CEP112: variants seen among roughly 807,000 people sequenced by gnomAD.
CEP112 encodes centrosomal protein 112, also known as centrosomal protein of 112 kDa.
Under a neutral mutation model 153.0 loss-of-function variants are expected in CEP112, and 127 were observed. The observed-to-expected ratio is 0.83, with a 90% CI of 0.72 to 0.96. CEP112 has a LOEUF of 0.96. Ranked by LOEUF, CEP112 falls within the 40% of genes least tolerant of loss-of-function variation. The pLI is 0.00. For missense variants in CEP112, 1,089 were observed against 1,101.2 expected, an observed-to-expected ratio of 0.99 and a Z score of 0.16; for synonymous variants, 358 against 374.4, an observed-to-expected ratio of 0.96 and a Z score of 0.51.
chr17:65,977,383 A>G (rs191265559), intron 17 of CEP112, among the ~76,000 whole-genome samples: 1 of 152,340 alleles, frequency 6.6e-6, no homozygotes, highest in East Asian at 1.9e-4. Context: ...GCTTCAGGGA[A>G]GAAGAGCAAT....
At chr17:66,054,681 T>A (rs990838009) in intron 11 of CEP112, among the ~76,000 whole-genome samples, 4 of 152,210 alleles carry the variant, frequency 2.6e-5, no homozygotes, top group Non-Finnish European at 5.9e-5. Context: ...TTCCATTCCC[T>A]GCATCCAACC....
At chr17:66,073,165 CA>C (rs2067363224) in intron 8 of CEP112, among the ~76,000 whole-genome samples, 1 of 152,062 alleles carries the variant, frequency 6.6e-6, no homozygotes, top group Non-Finnish European at 1.5e-5. Flanking sequence ...AGCAGGGTAC[CA>C]CACTAACCTC....
At chr17:65,808,115 T>C (rs967699628) in intron 21 of CEP112, among the ~76,000 whole-genome samples, 5 of 152,214 alleles carry the variant, frequency 3.3e-5, no homozygotes, top group African/African-American at 1.2e-4. Flanking sequence ...ATGCCATATA[T>C]ATGAGACATG....
intron 4 of CEP112, among the ~76,000 whole-genome samples, chr17:66,156,685 T>C (rs904092936): frequency 6.6e-6 from 1 of 152,052 alleles, no homozygotes; most frequent in Non-Finnish European, 1.5e-5. Context: ...GAGAAGAACA[T>C]AAATGACCTG....
intron 20 of CEP112, among the ~76,000 whole-genome samples, chr17:65,884,013 G>A (rs547519799): frequency 6.6e-6 from 1 of 152,310 alleles, no homozygotes; most frequent in South Asian, 2.1e-4. Context: ...CTGGACCTAT[G>A]AAGTTTGAGG....
chr17:65,857,412 A>G (rs982423286), intron 20 of CEP112, among the ~76,000 whole-genome samples: 1 of 152,102 alleles, frequency 6.6e-6, no homozygotes, highest in Non-Finnish European at 1.5e-5. Flanking sequence ...TTAAGTCCTA[A>G]TCTTTTTGCT....
chr17:65,799,811 A>G (rs1250742743), intron 21 of CEP112, among the ~76,000 whole-genome samples: 3 of 152,180 alleles, frequency 2.0e-5, no homozygotes, highest in African/African-American at 7.2e-5. Context: ...CCCTTCTACC[A>G]TTGCTCACAC....
rs2067252455 is a variant in CEP112 at position 66,069,971 on chromosome 17, T to C, written c.799A>G (p.Lys267Glu). 8 of 1,607,618 alleles carry C rather than the reference T, an allele frequency of 5.0e-6. No homozygotes were observed. In the East Asian group the frequency reaches 9.0e-5, roughly 18 times the overall value. ...AGTTTAAGCTTTTCTTCATGAAATTTAGCTTCCATCATTTTTGTTTTCATG... is the reference window on the plus strand; with the variant it reads ...AGTTTAAGCTTTTCTTCATGAAATTCAGCTTCCATCATTTTTGTTTTCATG... ...LDMKTKMMEAKFHEEKLKLQQ... is the reference protein window; with the variant it reads ...LDMKTKMMEAEFHEEKLKLQQ... Residue 267 changes from lysine to glutamate, a missense_variant, in exon 9 of 27, where the codon AAA becomes GAA. By Grantham distance (56) the Lys-to-Glu change is moderately conservative (BLOSUM62 1). Coordinates refer to ENST00000535342, the MANE Select transcript of CEP112 (RefSeq NM_001199165.4).
At chr17:65,710,713 G>A (rs2049134500) in intron 23 of CEP112, among the ~76,000 whole-genome samples, 1 of 152,204 alleles carries the variant, frequency 6.6e-6, no homozygotes, top group Non-Finnish European at 1.5e-5. Context: ...GAGCATTGGT[G>A]TTAAGGCTCG....
Position 65,635,628 on chromosome 17 carries a change from G to A in CEP112, c.*343C>T, listed in dbSNP as rs1440012003. The A allele has an allele frequency of 1.5e-5, 5 of 323,944 alleles. No individual in the cohort carries two copies. The highest frequency in any genetic ancestry group is 1.2e-4 in the South Asian group (1 of 8,326). 20.1% of individuals were successfully genotyped at this position (323,944 alleles called of 1,614,324 possible). A position where few individuals can be genotyped will look rare whatever the true frequency, so the allele number is the denominator to read the frequency against. On this transcript the variant is annotated 3_prime_UTR_variant, in exon 27 of 27. Transcript: ENST00000535342. ...GAATTTTTGATATGATACTACAAAC[G>A]TGATTTTGATCGTACGCAACTGGTA...
chr17:66,064,145 T>C, intron 10 of CEP112, among the ~76,000 whole-genome samples: 1 of 152,204 alleles, frequency 6.6e-6, no homozygotes, highest in Non-Finnish European at 1.5e-5. Context: ...TACTTGCCTG[T>C]TTCCTCTTTA....
At chr17:65,830,714 G>T (rs949078753) in intron 21 of CEP112, among the ~76,000 whole-genome samples, 1 of 152,180 alleles carries the variant, frequency 6.6e-6, no homozygotes, top group African/African-American at 2.4e-5. Flanking sequence ...ATGGAGCCTT[G>T]ACCTGACCCA....
At chr17:65,725,505 T>C (rs232096) in intron 23 of CEP112, among the ~76,000 whole-genome samples, 115,962 of 152,000 alleles carry the variant, frequency 0.76, 45,455 homozygotes, top group East Asian at 0.93. Context: ...CTCGTAGAAA[T>C]GGGGTTTCAC....
chr17:66,188,468 A>T (rs2073033128), intron 1 of CEP112, among the ~76,000 whole-genome samples: 1 of 130,182 alleles, frequency 7.7e-6, no homozygotes, highest in South Asian at 2.6e-4. Context: ...ACCTGGAGTC[A>T]GGTAAATGCA....
chr17:66,064,900 C>T (rs866987821), intron 10 of CEP112, among the ~76,000 whole-genome samples: 1 of 152,140 alleles, frequency 6.6e-6, no homozygotes, highest in South Asian at 2.1e-4. Flanking sequence ...CTTTTACCAA[C>T]ATTTAAGGGT....
chr17:65,754,233 A>G (rs2052078480), intron 21 of CEP112, among the ~76,000 whole-genome samples: 1 of 152,332 alleles, frequency 6.6e-6, no homozygotes, highest in African/African-American at 2.4e-5. Flanking sequence ...AGATGAGGGT[A>G]ACCTCTAGGG....
At chr17:65,953,673 T>TG (rs34850604) in intron 18 of CEP112, among the ~76,000 whole-genome samples, 72,793 of 151,762 alleles carry the variant, frequency 0.48, 18,432 homozygotes, top group East Asian at 0.89. Flanking sequence ...GGGTGAGGCC[T>TG]TGACTGCTGG....
chr17:65,670,375 A>C (rs1022387353), intron 24 of CEP112, among the ~76,000 whole-genome samples: 1 of 151,590 alleles, frequency 6.6e-6, no homozygotes, highest in Non-Finnish European at 1.5e-5. Context: ...AAAAAAAAAA[A>C]CCCTCATAAT....
intron 26 of CEP112, chr17:65,636,842 C>T (rs1322159899): frequency 2.9e-6 from 1 of 340,986 alleles, no homozygotes; most frequent in Non-Finnish European, 5.3e-6. Flanking sequence ...GAACTCCTGA[C>T]CTCAGGTGAT....
Sources: gnomAD v4.1 joint callset for allele counts (sites outside exome capture counted in the v4.1 genomes callset) on GRCh38, gnomAD v4.1.1 for gene constraint, MANE v1.5 for transcripts, NCBI Gene and HGNC (gene_info 2026-07-23, HGNC 2026-07-21) for gene names.